Variants in TANGO6 observed in about 807,000 individuals in gnomAD.
The protein encoded by TANGO6 is transport and Golgi organization protein 6 homolog.
Under a neutral mutation model 114.2 loss-of-function variants are expected in TANGO6, and 90 were observed. That is an observed-to-expected ratio of 0.79 (90% CI 0.66 to 0.94). The LOEUF is 0.94. Among genes scored for constraint, TANGO6 ranks in the 40% least tolerant of loss-of-function variants. The probability of loss-of-function intolerance (pLI) is 0.00; values close to 1 mark genes in which losing one functional copy is unlikely to be tolerated. For missense variants in TANGO6, 1,274 were observed against 1,315.3 expected (o/e 0.97, Z 0.49); for synonymous variants, 477 against 509.8 (o/e 0.94, Z 0.87).
At chr16:69,078,631 G>T (rs1363480460) in intron 17 of TANGO6, among the ~76,000 whole-genome samples, 1 of 152,088 alleles carries the variant, frequency 6.6e-6, no homozygotes. Context: ...ATCCCCACTA[G>T]ACCAGAAGCC....
intron 15 of TANGO6, among the ~76,000 whole-genome samples, chr16:68,984,431 A>G (rs781361516): frequency 2.6e-5 from 4 of 151,968 alleles, no homozygotes; most frequent in Admixed American, 6.6e-5. Flanking sequence ...TCTCACATCA[A>G]TTTTTTGATG....
At chr16:69,083,163 G>C (rs1960491204) in intron 17 of TANGO6, among the ~76,000 whole-genome samples, 1 of 135,252 alleles carries the variant, frequency 7.4e-6, no homozygotes, top group Admixed American at 8.0e-5. Context: ...AGGCTCAGAT[G>C]ATCCTCCCAA....
At chr16:68,861,700 A>C (rs1962094948) in intron 2 of TANGO6, among the ~76,000 whole-genome samples, 1 of 152,198 alleles carries the variant, frequency 6.6e-6, no homozygotes, top group Non-Finnish European at 1.5e-5. Flanking sequence ...GAGTTGACAG[A>C]GGGAAAACAT....
At chr16:69,056,997 CTTTTTTTTTTTTTTTTTT>C (rs71148961) in intron 17 of TANGO6, among the ~76,000 whole-genome samples, 1 of 59,822 alleles carries the variant, frequency 1.7e-5, no homozygotes, top group African/African-American at 6.8e-5. Flanking sequence ...GCCTGATTTT[CTTTTTTTTTTTTTTTTTT>C]TTTTTTTTTT....
chr16:69,058,425 A>C (rs1052216677), intron 17 of TANGO6, among the ~76,000 whole-genome samples: 1 of 152,218 alleles, frequency 6.6e-6, no homozygotes, highest in East Asian at 1.9e-4. Flanking sequence ...TGTGAGAGAC[A>C]TATGCTTATT....
chr16:69,032,765 C>T (rs1227420544), intron 16 of TANGO6, among the ~76,000 whole-genome samples: 1 of 151,770 alleles, frequency 6.6e-6, no homozygotes, highest in African/African-American at 2.4e-5. Flanking sequence ...GTAATCCCCA[C>T]TACTGGGGAG....
intron 17 of TANGO6, among the ~76,000 whole-genome samples, chr16:69,079,902 C>A (rs919854306): frequency 8.5e-5 from 13 of 152,190 alleles, no homozygotes; most frequent in African/African-American, 3.1e-4. Context: ...TATACTTGTA[C>A]ATGTCTGTAA....
chr16:68,910,725 G>A (rs1962911109), intron 11 of TANGO6, among the ~76,000 whole-genome samples: 1 of 152,156 alleles, frequency 6.6e-6, no homozygotes, highest in Non-Finnish European at 1.5e-5. Context: ...CGCCCAGGCT[G>A]GAGTGCAGTG....
chr16:69,022,291 G>T (rs1959421677), intron 15 of TANGO6, among the ~76,000 whole-genome samples: 1 of 152,124 alleles, frequency 6.6e-6, no homozygotes, highest in Non-Finnish European at 1.5e-5. Flanking sequence ...GTAGACTTTT[G>T]AGAATAAAAT....
chr16:68,905,769 A>G (rs2152184016), intron 9 of TANGO6, among the ~76,000 whole-genome samples: 1 of 152,200 alleles, frequency 6.6e-6, no homozygotes, highest in East Asian at 1.9e-4. Flanking sequence ...GCTACTTAGG[A>G]GGCTGAAGTG....
At chr16:68,968,669 AT>A (rs1173517416) in intron 14 of TANGO6, among the ~76,000 whole-genome samples, 4,340 of 109,190 alleles carry the variant, frequency 0.04, 48 homozygotes, top group African/African-American at 0.049. Context: ...CCAGCCTAGC[AT>A]TTTTTTTTTT....
intron 14 of TANGO6, among the ~76,000 whole-genome samples, chr16:68,946,393 A>G (rs1963414898): frequency 6.6e-6 from 1 of 151,766 alleles, no homozygotes; most frequent in Non-Finnish European, 1.5e-5. Flanking sequence ...ACAGGGTTTC[A>G]CTGTGTTAGC....
chr16:69,062,320 C>A (rs1960130196), intron 17 of TANGO6, among the ~76,000 whole-genome samples: 1 of 152,120 alleles, frequency 6.6e-6, no homozygotes, highest in Admixed American at 6.6e-5. Flanking sequence ...CCTTTTGAAA[C>A]CATGGTATCT....
intron 16 of TANGO6, among the ~76,000 whole-genome samples, chr16:69,027,621 T>C (rs540876878): frequency 6.6e-6 from 1 of 152,296 alleles, no homozygotes; most frequent in East Asian, 1.9e-4. Context: ...TTATATTGTC[T>C]GAAGATTTCA....
chr16:69,073,059 T>TA (rs760215435), intron 17 of TANGO6, among the ~76,000 whole-genome samples: 466 of 140,842 alleles, frequency 3.3e-3, no homozygotes, highest in Middle Eastern at 3.7e-3. Flanking sequence ...AGACCTTCTT[T>TA]AAAAAAAAAA....
At chr16:69,020,934 GTGTGTGTGGT>G (rs1232949353) in intron 15 of TANGO6, among the ~76,000 whole-genome samples, 1 of 149,118 alleles carries the variant, frequency 6.7e-6, no homozygotes, top group South Asian at 2.1e-4. Flanking sequence ...GTGTGTGTGT[GTGTGTGTGGT>G]GTGTGTGTGT....
intron 12 of TANGO6, among the ~76,000 whole-genome samples, chr16:68,927,181 A>G (rs1028021824): frequency 6.6e-6 from 1 of 152,128 alleles, no homozygotes; most frequent in African/African-American, 2.4e-5. Flanking sequence ...TGCGTAGGGT[A>G]TTGGGTGAGA....
intron 5 of TANGO6, among the ~76,000 whole-genome samples, chr16:68,876,885 T>C (rs1182375053): frequency 6.6e-6 from 1 of 152,166 alleles, no homozygotes; most frequent in Admixed American, 6.6e-5. Flanking sequence ...CATGGGTACA[T>C]GGTATTTCAT....
chr16:68,939,484 T>C (rs1963330320), intron 14 of TANGO6, among the ~76,000 whole-genome samples: 1 of 152,130 alleles, frequency 6.6e-6, no homozygotes, highest in Non-Finnish European at 1.5e-5. Flanking sequence ...AACAGAAAAT[T>C]GCCAACTTTA....
Sources: allele counts gnomAD v4.1 joint callset (sites outside exome capture counted in the v4.1 genomes callset), GRCh38; gene constraint gnomAD v4.1.1; transcripts MANE v1.5; gene names NCBI Gene and HGNC (gene_info 2026-07-23, HGNC 2026-07-21).